The following WNK3 variants were observed in gnomAD, a reference collection of about 807,000 sequenced individuals.
WNK3 encodes the protein serine/threonine-protein kinase WNK3.
Under a neutral mutation model 116.7 loss-of-function variants are expected in WNK3, and 18 were observed. The ratio of observed to expected loss-of-function variants is 0.15; its 90% CI spans 0.11 to 0.23. The LOEUF (loss-of-function observed/expected upper bound fraction) is 0.23. Among genes scored for constraint, WNK3 ranks in the 10% least tolerant of loss-of-function variants. The pLI is 1.00. For synonymous variants in WNK3, 404 were observed against 469.4 expected (o/e 0.86, Z 1.80); for missense variants, 993 against 1,323.8 (o/e 0.75, Z 3.88).
intron 10 of WNK3, among the ~76,000 whole-genome samples, chrX:54,264,283 T>C (rs1200296805): frequency 9.3e-6 from 1 of 107,473 alleles, no homozygotes; most frequent in Non-Finnish European, 1.9e-5. Flanking sequence ...CAGTGAGCCA[T>C]GATTGTGCCA....
chrX:54,222,394 A>T (rs1032529120), intron 22 of WNK3, among the ~76,000 whole-genome samples: 13 of 103,017 alleles, frequency 1.3e-4, no homozygotes, highest in African/African-American at 2.1e-4. Context: ...TTAAAAAAAA[A>T]TTTTTTTTTT....
chrX:54,216,163 C>T (rs973944542), intron 22 of WNK3, among the ~76,000 whole-genome samples: 1 of 109,749 alleles, frequency 9.1e-6, no homozygotes, highest in Non-Finnish European at 1.9e-5. Context: ...GGCGGCAGGG[C>T]CCTCTGCCTA....
chrX:54,275,313 C>T (rs2068430879), intron 10 of WNK3, among the ~76,000 whole-genome samples: 2 of 109,502 alleles, frequency 1.8e-5, no homozygotes, highest in Admixed American at 2.0e-4. Context: ...GAGACTCCGG[C>T]TCAGAAAAAA....
chrX:54,222,052 G>A (rs976767624), intron 22 of WNK3, among the ~76,000 whole-genome samples: 1 of 111,191 alleles, frequency 9.0e-6, no homozygotes, highest in Non-Finnish European at 1.9e-5. Flanking sequence ...AGCCACTCAG[G>A]AGGCTGAGGA....
chrX:54,353,700 T>G (rs1490430026), intron 1 of WNK3, among the ~76,000 whole-genome samples: 1 of 106,711 alleles, frequency 9.4e-6, no homozygotes, highest in East Asian at 2.9e-4. Flanking sequence ...TGAGCTGAGA[T>G]CGCACCATTG....
At chrX:54,304,130 C>A (rs144659858) in intron 5 of WNK3, among the ~76,000 whole-genome samples, 2,309 of 111,553 alleles carry the variant, frequency 0.021, 66 homozygotes, top group African/African-American at 0.071. Context: ...TATCTGCCCC[C>A]ACACATATTG....
intron 10 of WNK3, among the ~76,000 whole-genome samples, chrX:54,264,674 C>A (rs782569856): frequency 9.0e-6 from 1 of 110,811 alleles, no homozygotes; most frequent in South Asian, 3.9e-4. Context: ...AACTGTAAGG[C>A]AGATAGAACT....
chrX:54,261,639 C>A (rs781941346), intron 10 of WNK3, among the ~76,000 whole-genome samples: 1 of 111,812 alleles, frequency 8.9e-6, no homozygotes, highest in African/African-American at 3.2e-5. Context: ...AACACACACA[C>A]ACACACACGT....
At chrX:54,350,073 C>T (rs1377040865) in intron 1 of WNK3, among the ~76,000 whole-genome samples, 1 of 110,994 alleles carries the variant, frequency 9.0e-6, no homozygotes, top group African/African-American at 3.3e-5. Flanking sequence ...AGCTAAAGCC[C>T]TACCAAAAAC....
intron 17 of WNK3, among the ~76,000 whole-genome samples, chrX:54,246,296 C>A (rs1557152671): frequency 9.1e-6 from 1 of 109,759 alleles, no homozygotes; most frequent in African/African-American, 3.3e-5. Context: ...TTCATGACTG[C>A]CAAATGAAAA....
chrX:54,281,514 C>A (rs1246712009), intron 10 of WNK3, among the ~76,000 whole-genome samples: 1 of 111,112 alleles, frequency 9.0e-6, no homozygotes, highest in African/African-American at 3.3e-5. Flanking sequence ...CTAAATAATA[C>A]ATTGCATCCC....
At chrX:54,316,307 G>C (rs1337756622) in intron 2 of WNK3, among the ~76,000 whole-genome samples, 1 of 110,207 alleles carries the variant, frequency 9.1e-6, no homozygotes, top group Non-Finnish European at 1.9e-5. Context: ...GGGAGGCCAA[G>C]ATGGGTGGAT....
chrX:54,232,852 G>C (rs1569536127), exon 21 of WNK3: 1 of 1,209,560 alleles, frequency 8.3e-7, no homozygotes, highest in South Asian at 1.8e-5. Flanking sequence ...AGGACTGGGG[G>C]CGGCTTCGAA....
exon 18 of WNK3, chrX:54,239,099 C>G (rs1557150958): frequency 9.7e-7 from 1 of 1,035,858 alleles, no homozygotes; most frequent in East Asian, 3.4e-5. Flanking sequence ...GAGGACATCT[C>G]CTAATGGAGA....
rs782594022 is a variant in WNK3, at chrX:54,241,953, C to CA, written c.3652-2855dup. ...TGGGCGACAGAGTAAGACTCCATCT[C>CA]AAAAAAAAAAAAAAAGTTTGTATAT... is the stretch of plus-strand genomic sequence containing the variant. On this transcript the variant is annotated intron_variant, in intron 17 of 23. Coordinates refer to ENST00000354646, the Ensembl canonical transcript of WNK3. Among the ~76,000 whole-genome samples, 604 of 60,825 alleles carry CA rather than the reference C, an allele frequency of 9.9e-3. 2 individuals are homozygous for CA. The highest frequency in any genetic ancestry group is 0.024 in the East Asian group (47 of 1,990). 52.8% of individuals were successfully genotyped at this position (60,825 alleles called of 115,157 possible). A position where few individuals can be genotyped will look rare whatever the true frequency, so the allele number is the denominator to read the frequency against.
intron 13 of WNK3, among the ~76,000 whole-genome samples, chrX:54,251,968 G>A (rs1368422490): frequency 9.3e-6 from 1 of 107,648 alleles, no homozygotes; most frequent in Non-Finnish European, 1.9e-5. Flanking sequence ...GGGAGGCTGA[G>A]GCAGGAGAAT....
exon 8 of WNK3, chrX:54,294,779 C>T (rs782807996): frequency 1.1e-5 from 13 of 1,209,968 alleles, no homozygotes; most frequent in South Asian, 7.1e-5. Flanking sequence ...TCTTTATTGG[C>T]GTCACCCGGT....
intron 22 of WNK3, among the ~76,000 whole-genome samples, chrX:54,218,716 T>C (rs1435677859): frequency 9.1e-6 from 1 of 109,605 alleles, no homozygotes; most frequent in Non-Finnish European, 1.9e-5. Flanking sequence ...AAACCCTGCC[T>C]CTACTAAAAA....
chrX:54,262,295 T>G (rs1040770697), intron 10 of WNK3, among the ~76,000 whole-genome samples: 8 of 111,726 alleles, frequency 7.2e-5, no homozygotes, highest in Non-Finnish European at 7.5e-5. Flanking sequence ...GGACAATAAG[T>G]ATTCATATTT....
Sources: allele counts gnomAD v4.1 joint callset (sites outside exome capture counted in the v4.1 genomes callset), GRCh38; gene constraint gnomAD v4.1.1; transcripts MANE v1.5; gene names NCBI Gene and HGNC (gene_info 2026-07-23, HGNC 2026-07-21).